The following LZTS1 variants were observed in gnomAD, a reference collection of about 807,000 sequenced individuals.
The protein encoded by LZTS1 is leucine zipper tumor suppressor 1.
A neutral mutation model predicts 45.8 loss-of-function variants in LZTS1; 31 were observed. The observed-to-expected ratio is 0.68, with a 90% CI of 0.51 to 0.91. The LOEUF (loss-of-function observed/expected upper bound fraction) is 0.91. Ranked by LOEUF, LZTS1 falls within the 40% of genes least tolerant of loss-of-function variation. LZTS1 has a pLI of 0.00. For missense variants in LZTS1, 821 were observed against 788.9 expected, an observed-to-expected ratio of 1.04 and a Z score of -0.49; for synonymous variants, 359 against 357.3, an observed-to-expected ratio of 1.00 and a Z score of -0.05.
intron 1 of LZTS1, among the ~76,000 whole-genome samples, chr8:20,270,860 A>G (rs903393660): frequency 1.3e-5 from 2 of 148,786 alleles, no homozygotes; most frequent in Admixed American, 6.7e-5. Context: ...GAAGGGGTGG[A>G]ACAGGGAGAC....
chr8:20,260,943 C>T (rs1161277678), intron 1 of LZTS1, among the ~76,000 whole-genome samples: 1 of 152,194 alleles, frequency 6.6e-6, no homozygotes, highest in African/African-American at 2.4e-5. Flanking sequence ...AGTGTCTAGA[C>T]TTGTTTCACT....
intron 1 of LZTS1, among the ~76,000 whole-genome samples, chr8:20,300,310 T>C (rs773811522): frequency 6.6e-6 from 1 of 152,196 alleles, no homozygotes; most frequent in Non-Finnish European, 1.5e-5. Flanking sequence ...ATACTCATAG[T>C]ATCTACTGAA....
rs777318219 is a variant in LZTS1 at position 20,253,330 on chromosome 8, C to G, written c.601G>C (p.Gly201Arg). Residue 201 changes from glycine to arginine, a missense_variant, in exon 3 of 4, where the codon GGA (glycine) becomes CGA (arginine). Transcript: ENST00000381569. ...GAGCCCCCAAAACGGCTTGTGGGTC[C>G]CACGGGTGTGACCAGCGGGTCCAGC... ...YQLDPLVTPV[G>R]PTSRFGGSAH... 2 of 1,613,812 alleles carry G rather than the reference C, an allele frequency of 1.2e-6. No homozygotes were observed. The highest frequency in any genetic ancestry group is 2.2e-5 in the South Asian group (2 of 91,088).
chr8:20,250,113 T>A lies in LZTS1; in HGVS notation c.1400A>T (p.Lys467Met). The A allele has an allele frequency of 6.2e-7, 1 of 1,607,430 alleles. No homozygotes were observed. The highest frequency in any genetic ancestry group is 2.2e-5 in the East Asian group (1 of 44,840). The stretch of plus-strand genomic sequence containing the variant: ...CAGCTCCTGCTCCAGCAGGTTCACC[T>A]TCTCCCGCAGCAGCTCCGCCTCGTT... ...KKNEAELLRE[K>M]VNLLEQELQE... Residue 467 changes from lysine to methionine, a missense_variant, in exon 4 of 4, where the codon AAG (lysine) becomes ATG (methionine). Lys to Met is a moderately conservative substitution (Grantham distance 95, BLOSUM62 -1). Coordinates refer to ENST00000381569, the MANE Select transcript of LZTS1 (RefSeq NM_021020.5).
In LZTS1 at chr8:20,286,336, C is replaced by T. The variant is rs79990315; in HGVS notation, c.-135+17404G>A. Among the ~76,000 whole-genome samples the T allele has an allele frequency of 5.5e-3, 836 of 152,216 alleles. 12 individuals carry two copies. Among genetic ancestry groups the T allele is most frequent in the African/African-American group, 0.019 (791 of 41,514 alleles). On this transcript the variant is annotated intron_variant, in intron 1 of 3. Coordinates refer to ENST00000381569, the MANE Select transcript of LZTS1 (RefSeq NM_021020.5). ...ATTTAAAATGAGCAAAAGATTTGAA[C>T]AGGCTAGGACATGCTAATGGACAAA...
chr8:20,268,440 G>A (rs1034698210), intron 1 of LZTS1, among the ~76,000 whole-genome samples: 1 of 151,872 alleles, frequency 6.6e-6, no homozygotes, highest in African/African-American at 2.4e-5. Context: ...GCCCGATTCA[G>A]CTTTCCTTAT....
At position 20,256,354 on chromosome 8, in the gene LZTS1, G is replaced by C. The variant is rs755405863; in HGVS notation, c.-134-1039C>G. Among the ~76,000 whole-genome samples, 10 of 152,298 alleles carry C rather than the reference G, an allele frequency of 6.6e-5. 1 individual carries two copies. The highest frequency in any genetic ancestry group is 6.8e-3 in the Middle Eastern group (2 of 294). ...GCTTGGGTTGAGACAAGGAGCCCCT[G>C]GATGGCTTTAAGCAGCTGACACCTT... On this transcript the variant is annotated intron_variant, in intron 1 of 3. Coordinates refer to ENST00000381569, the MANE Select transcript of LZTS1 (RefSeq NM_021020.5).
chr8:20,257,973 A>G (rs1800145573), intron 1 of LZTS1, among the ~76,000 whole-genome samples: 1 of 54,816 alleles, frequency 1.8e-5, no homozygotes, highest in African/African-American at 6.9e-5. Context: ...CGGACTGGGC[A>G]CATTTTTTTT....
Position 20,250,198 on chromosome 8 carries a change from C to T in LZTS1, c.1315G>A (p.Ala439Thr), listed in dbSNP as rs141716809. ...AGCTCCAGGCCCTTGGTGCGCAGGG[C>T]GCCCTCCAGGTCCTGGGTCCTCAGC... ...LELRTQDLEGALRTKGLELEV... is the reference protein window; with the variant it reads ...LELRTQDLEGTLRTKGLELEV... Residue 439 changes from alanine (A) to threonine (T), a missense_variant, in exon 4 of 4, where the codon GCC becomes ACC. Physicochemically the swap from Ala to Thr is moderately conservative, Grantham distance 58. Transcript: ENST00000381569. 71 of 1,610,760 alleles carry T rather than the reference C, an allele frequency of 4.4e-5. No homozygotes were observed. The highest frequency in any genetic ancestry group is 3.6e-4 in the African/African-American group (27 of 74,956).
At chr8:20,286,339 G>A (rs1345658410) in intron 1 of LZTS1, among the ~76,000 whole-genome samples, 4 of 152,096 alleles carry the variant, frequency 2.6e-5, no homozygotes, top group African/African-American at 9.7e-5. Flanking sequence ...ATTTGAACAG[G>A]CTAGGACATG....
intron 1 of LZTS1, among the ~76,000 whole-genome samples, chr8:20,287,606 G>C (rs4922154): frequency 0.088 from 13,414 of 152,120 alleles, 653 homozygotes; most frequent in Admixed American, 0.14. Flanking sequence ...TCCAGAGAGA[G>C]AAGAGTGAGT....
At chr8:20,263,055 T>G (rs73669756) in intron 1 of LZTS1, among the ~76,000 whole-genome samples, 12,338 of 152,196 alleles carry the variant, frequency 0.081, 1,649 homozygotes, top group African/African-American at 0.28. Flanking sequence ...AAAGTCCCCA[T>G]TGCTGGTCAT....
intron 1 of LZTS1, among the ~76,000 whole-genome samples, chr8:20,302,663 C>A (rs750977085): frequency 9.9e-5 from 15 of 152,170 alleles, no homozygotes; most frequent in Non-Finnish European, 1.9e-4. Context: ...GAACTCAGTG[C>A]CTCCTCAGTA....
chr8:20,256,435 T>C (rs1354571832), intron 1 of LZTS1, among the ~76,000 whole-genome samples: 1 of 152,144 alleles, frequency 6.6e-6, no homozygotes, highest in Admixed American at 6.5e-5. Flanking sequence ...AAGAAGCTTA[T>C]TGAGGAGACG....
intron 1 of LZTS1, among the ~76,000 whole-genome samples, chr8:20,264,689 C>T (rs1381755032): frequency 6.6e-6 from 1 of 152,172 alleles, no homozygotes; most frequent in Non-Finnish European, 1.5e-5. Context: ...TCTGAGGCAG[C>T]CTGGAACTCG....
At chr8:20,277,128 G>T (rs779063109) in intron 1 of LZTS1, among the ~76,000 whole-genome samples, 1 of 152,190 alleles carries the variant, frequency 6.6e-6, no homozygotes, top group African/African-American at 2.4e-5. Flanking sequence ...AAAGAAGCAG[G>T]CCAAAACCTA....
rs528144165 is a variant in LZTS1, at chr8:20,253,018, C to G, written c.913G>C (p.Glu305Gln). The G allele has an allele frequency of 1.5e-4, 246 of 1,596,846 alleles. 2 individuals carry two copies. In the South Asian group the frequency reaches 2.1e-3, roughly 14 times the overall value. ...CCTTTGGGCTCCGGGCCCTCCAGCT[C>G]GTCCCTGCAGCGCCGCGGCCGCTCC... ...YEERPRRCRD[E>Q]LEGPEPKGGN... Residue 305 changes from glutamate (E) to glutamine (Q), a missense_variant, in exon 3 of 4, where the codon GAG (glutamate) becomes CAG (glutamine). Transcript: ENST00000381569.
At chr8:20,299,269 A>T (rs1801031193) in intron 1 of LZTS1, among the ~76,000 whole-genome samples, 1 of 152,098 alleles carries the variant, frequency 6.6e-6, no homozygotes, top group Non-Finnish European at 1.5e-5. Context: ...GACTCCCTTC[A>T]TACCCTCCTC....
intron 1 of LZTS1, among the ~76,000 whole-genome samples, chr8:20,278,621 C>T (rs191172514): frequency 1.2e-4 from 19 of 152,266 alleles, no homozygotes; most frequent in Admixed American, 5.9e-4. Flanking sequence ...TGCCTTATAC[C>T]TCCTCTGTCT....
Sources: gnomAD v4.1 joint callset for allele counts (sites outside exome capture counted in the v4.1 genomes callset) on GRCh38, gnomAD v4.1.1 for gene constraint, MANE v1.5 for transcripts, NCBI Gene and HGNC (gene_info 2026-07-23, HGNC 2026-07-21) for gene names.